The following ITPRIP variants were observed in gnomAD, a reference collection of about 807,000 sequenced individuals.
ITPRIP encodes inositol 1,4,5-trisphosphate receptor interacting protein.
ITPRIP carries 32 observed loss-of-function variants against 35.8 expected under a neutral mutation model. That is an observed-to-expected ratio of 0.89 (90% confidence interval 0.68 to 1.20). The LOEUF is 1.20. Ranked by LOEUF, ITPRIP falls within the 50% of genes most tolerant of loss-of-function variation. ITPRIP has a pLI of 0.00. For missense variants in ITPRIP, 653 were observed against 735.6 expected (o/e 0.89, Z 1.30); for synonymous variants, 358 against 324.0 (o/e 1.11, Z -1.13).
At chr10:104,331,560 C>T (rs1461696342) in intron 1 of ITPRIP, among the ~76,000 whole-genome samples, 3 of 152,162 alleles carry the variant, frequency 2.0e-5, no homozygotes, top group East Asian at 1.9e-4. Flanking sequence ...CAGTAGCAGC[C>T]CAGGGTTGCT....
chr10:104,336,494 T>TGGGGGG, intron 1 of ITPRIP, among the ~76,000 whole-genome samples: 1 of 74,602 alleles, frequency 1.3e-5, no homozygotes, highest in African/African-American at 4.1e-5. Context: ...TATTTTTTTT[T>TGGGGGG]GGGGGGGGGG....
chr10:104,332,933 C>G (rs754988611), intron 1 of ITPRIP, among the ~76,000 whole-genome samples: 1 of 152,210 alleles, frequency 6.6e-6, no homozygotes, highest in African/African-American at 2.4e-5. Flanking sequence ...TTCATCATAA[C>G]GCTCCACGAG....
Position 104,315,041 on chromosome 10 carries a change from C to T in ITPRIP, c.1011G>A (p.Lys337=). ...QLDSPGSLKI[K]FRSGKFMPFN... ...AGGGCATGAACTTCCCTGAACGGAACTTGATCTTCAGGGACCCCGGGCTGT... is the reference window on the plus strand; with the variant it reads ...AGGGCATGAACTTCCCTGAACGGAATTTGATCTTCAGGGACCCCGGGCTGT... Residue 337 remains lysine, a synonymous_variant, in exon 2 of 2, where the codon AAG becomes AAA. Transcript: ENST00000337478. The surrounding 1 kb of genome is among the most constrained non-coding windows in gnomAD (Gnocchi z 5.7). 1.9e-6 allele frequency: 3 copies of T among 1,614,198 alleles called. No homozygotes were observed. The highest frequency in any genetic ancestry group is 1.7e-6 in the Non-Finnish European group (2 of 1,180,046).
At chr10:104,317,509 C>G (rs546306474) in intron 1 of ITPRIP, among the ~76,000 whole-genome samples, 109 of 152,272 alleles carry the variant, frequency 7.2e-4, no homozygotes, top group African/African-American at 2.6e-3. Context: ...TAGTTACACC[C>G]TCTCCTCTCC....
chr10:104,335,231 G>C (rs1252444396), intron 1 of ITPRIP, among the ~76,000 whole-genome samples: 2 of 152,190 alleles, frequency 1.3e-5, no homozygotes. Context: ...TCAGCTGTAC[G>C]GTGTGGAAAC....
chr10:104,321,263 T>C (rs2013837945), intron 1 of ITPRIP, among the ~76,000 whole-genome samples: 1 of 152,198 alleles, frequency 6.6e-6, no homozygotes, highest in African/African-American at 2.4e-5. Context: ...CGGGCTTTTT[T>C]CTGTCTGCTT....
chr10:104,314,749 T>C lies in ITPRIP; in HGVS notation c.1303A>G (p.Thr435Ala). The change falls in exon 2 of 2, where the codon ACG becomes GCG. Residue 435 changes from threonine (T) to alanine (A), a missense_variant. Thr to Ala is a moderately conservative substitution (Grantham distance 58). Coordinates refer to ENST00000337478, the MANE Select transcript of ITPRIP (RefSeq NM_001272013.2). ...PSGLSSYHLK[T>A]ALLHLLLLRQ... ...AGGAGTAGGAGGTGCAGTAGGGCCG[T>C]CTTCAGGTGGTAGCTGCTGAGCCCG... 6.2e-7 allele frequency: 1 copy of C among 1,613,870 alleles called. No individual in the cohort carries two copies. The highest frequency in any genetic ancestry group is 8.5e-7 in the Non-Finnish European group (1 of 1,179,972).
rs570145652 is a variant in ITPRIP at position 104,333,598 on chromosome 10, C to T, written c.-14+4648G>A. The T allele has an allele frequency of 4.6e-5, 7 of 152,238 alleles. No individual in the cohort carries two copies. Among genetic ancestry groups the T allele is most frequent in the Non-Finnish European group, 1.0e-4 (7 of 68,110 alleles). The allele number at this position is 152,238 out of a possible 1,614,324, so 9.4% of individuals were successfully genotyped here. On this transcript the variant is annotated intron_variant, in intron 1 of 1. Coordinates refer to ENST00000337478, the MANE Select transcript of ITPRIP (RefSeq NM_001272013.2). This position sits in a 1 kb window ranked among gnomAD's most constrained non-coding sequence, Gnocchi z 4.1. ...GGCCTCTGGGGCACTCCCAAATGAC[C>T]CCTTTCCTCGCCCAGAAGAGCTCCT...
At chr10:104,336,448 A>C (rs973779552) in intron 1 of ITPRIP, among the ~76,000 whole-genome samples, 2 of 128,546 alleles carry the variant, frequency 1.6e-5, no homozygotes, top group Non-Finnish European at 3.1e-5. Context: ...ATGGAACCTG[A>C]GTCTTGGACT....
Position 104,315,170 on chromosome 10 carries a change from G to A in ITPRIP, c.882C>T (p.Tyr294=), listed in dbSNP as rs1479671381. ...ENLLCATDSL[Y]LDTMQVMKWF... ...ACTTCATGACCTGCATCGTGTCCAG[G>A]TACAGGGAATCTGTGGCACACAGCA... is the stretch of plus-strand genomic sequence containing the variant. The change falls in exon 2 of 2, where the codon TAC becomes TAT. Residue 294 remains tyrosine, a synonymous_variant. Coordinates refer to ENST00000337478, the MANE Select transcript of ITPRIP (RefSeq NM_001272013.2). This position sits in a 1 kb window ranked among gnomAD's most constrained non-coding sequence, Gnocchi z 5.7. 2 of 1,614,148 alleles carry A rather than the reference G, an allele frequency of 1.2e-6. No homozygotes were observed. The highest frequency in any genetic ancestry group is 1.7e-6 in the Non-Finnish European group (2 of 1,179,992).
chr10:104,332,429 T>A (rs2014166891), intron 1 of ITPRIP, among the ~76,000 whole-genome samples: 1 of 152,196 alleles, frequency 6.6e-6, no homozygotes, highest in Non-Finnish European at 1.5e-5. Flanking sequence ...ACAAAAACTT[T>A]AATCAGGTGC....
At chr10:104,337,756 G>T (rs2014266601) in intron 1 of ITPRIP, among the ~76,000 whole-genome samples, 2 of 151,136 alleles carry the variant, frequency 1.3e-5, no homozygotes, top group Admixed American at 1.3e-4. Context: ...CATGAACCGA[G>T]AAAAAAAAAC....
chr10:104,310,891 C>G lies in ITPRIP; in HGVS notation c.*3517G>C, dbSNP rs1428334411. ...GTGAAGTGCAGATTCTTCTACCTAA[C>G]TTCTCAGGATCCCACTGGAGTCTGT... On this transcript the variant is annotated 3_prime_UTR_variant, in exon 2 of 2. Transcript: ENST00000337478. 2.0e-5 allele frequency: 3 copies of G among 152,230 alleles called. No individual in the cohort carries two copies. The highest frequency in any genetic ancestry group is 4.4e-5 in the Non-Finnish European group (3 of 68,072). 9.4% of individuals were successfully genotyped at this position (152,230 alleles called of 1,614,324 possible).
chr10:104,317,453 C>A (rs1179185933), intron 1 of ITPRIP, among the ~76,000 whole-genome samples: 1 of 152,130 alleles, frequency 6.6e-6, no homozygotes, highest in African/African-American at 2.4e-5. Context: ...CATTTTAATA[C>A]CATCCATATA....
chr10:104,318,898 T>C (rs2013762750), intron 1 of ITPRIP, among the ~76,000 whole-genome samples: 1 of 152,272 alleles, frequency 6.6e-6, no homozygotes, highest in Non-Finnish European at 1.5e-5. Context: ...AGTTTTCTTA[T>C]GAAAGGAACT....
At chr10:104,321,487 C>T (rs893023255) in intron 1 of ITPRIP, among the ~76,000 whole-genome samples, 4 of 152,182 alleles carry the variant, frequency 2.6e-5, no homozygotes, top group East Asian at 1.9e-4. Context: ...TGAGGCTGGC[C>T]GGAAGCCAAG....
chr10:104,337,962 A>T (rs1394127104), intron 1 of ITPRIP, among the ~76,000 whole-genome samples: 3 of 152,240 alleles, frequency 2.0e-5, no homozygotes, highest in Non-Finnish European at 2.9e-5. Flanking sequence ...CTCGAGGAGG[A>T]GCTGCCCGCA....
In ITPRIP at chr10:104,315,262, C is replaced by T. The variant is rs2013629011; in HGVS notation, c.790G>A (p.Glu264Lys). 2 of 1,607,770 alleles carry T rather than the reference C, an allele frequency of 1.2e-6. No individual in the cohort carries two copies. The highest frequency in any genetic ancestry group is 2.2e-5 in the East Asian group (1 of 44,780). Residue 264 changes from glutamate to lysine, a missense_variant, in exon 2 of 2, where the codon GAA becomes AAA. By Grantham distance (56) the Glu-to-Lys change is moderately conservative. Coordinates refer to ENST00000337478, the MANE Select transcript of ITPRIP (RefSeq NM_001272013.2). This position sits in a 1 kb window ranked among gnomAD's most constrained non-coding sequence, Gnocchi z 5.7. Reference protein sequence around the residue: ...SCICGKTKLGEDMLCLLHGRN... With the variant: ...SCICGKTKLGKDMLCLLHGRN... ...CCGTGCAGGAGACACAGCATGTCTT[C>T]CCCGAGCTTGGTCTTGCCGCAGATG...
At position 104,326,300 on chromosome 10, in the gene ITPRIP, C is replaced by G. The variant is rs934068781; in HGVS notation, c.-13-10236G>C. ...GGGTGAGCCACATCCTTCCTGTTCCCGCTCCTCCGCCGGCTGATGCACGTC... is the reference window on the plus strand; with the variant it reads ...GGGTGAGCCACATCCTTCCTGTTCCGGCTCCTCCGCCGGCTGATGCACGTC... On this transcript the variant is annotated intron_variant, in intron 1 of 1. Coordinates refer to ENST00000337478, the MANE Select transcript of ITPRIP (RefSeq NM_001272013.2). This position sits in a 1 kb window ranked among gnomAD's most constrained non-coding sequence, Gnocchi z 4.8. 6.6e-6 allele frequency: 1 copy of G among 152,248 alleles called. No homozygotes were observed. The allele number at this position is 152,248 out of a possible 1,614,324, so 9.4% of individuals were successfully genotyped here.
Sources: gnomAD v4.1 joint callset for allele counts (sites outside exome capture counted in the v4.1 genomes callset) on GRCh38, gnomAD v4.1.1 for gene constraint, Gnocchi (gnomAD v3.1) non-coding constraint, MANE v1.5 for transcripts, NCBI Gene and HGNC (gene_info 2026-07-23, HGNC 2026-07-21) for gene names.